The following EEA1 variants were observed in gnomAD, a reference collection of about 807,000 sequenced individuals.
EEA1 encodes early endosome antigen 1, also known as early endosome antigen 1, 162kD.
EEA1 carries 111 observed loss-of-function variants against 209.2 expected under a neutral mutation model. The ratio of observed to expected loss-of-function variants is 0.53; its 90% confidence interval spans 0.45 to 0.62. EEA1 has a LOEUF of 0.62. EEA1 is among the 20% of genes least tolerant of loss of function. The pLI is 0.00. For missense variants in EEA1, 1,343 were observed against 1,530.8 expected, an observed-to-expected ratio of 0.88 and a Z score of 2.05; for synonymous variants, 536 against 540.6, an observed-to-expected ratio of 0.99 and a Z score of 0.12.
At chr12:92,882,961 G>C (rs1378575568) in intron 2 of EEA1, among the ~76,000 whole-genome samples, 1 of 152,174 alleles carries the variant, frequency 6.6e-6, no homozygotes, top group Non-Finnish European at 1.5e-5. Flanking sequence ...GGGTTGAATG[G>C]TAGTCCTGTT....
intron 2 of EEA1, among the ~76,000 whole-genome samples, chr12:92,884,957 T>C (rs1329146027): frequency 1.4e-5 from 1 of 69,576 alleles, no homozygotes; most frequent in African/African-American, 5.5e-5. Flanking sequence ...GGTTTCAATG[T>C]AGATTTTTTT....
intron 2 of EEA1, among the ~76,000 whole-genome samples, chr12:92,874,093 G>A (rs61329238): frequency 0.019 from 2,828 of 151,982 alleles, 96 homozygotes; most frequent in African/African-American, 0.063. Flanking sequence ...CAGGCAGATC[G>A]CTTGAGCCTA....
chr12:92,780,180 TAGC>T, intron 24 of EEA1, 97 bp downstream of exon 24: 1 of 1,318,984 alleles, frequency 7.6e-7, no homozygotes, highest in Non-Finnish European at 1.0e-6. Flanking sequence ...GCCTAGCACA[TAGC>T]AAGTTCTCAA....
chr12:92,887,655 A>G (rs1471104962), intron 2 of EEA1, among the ~76,000 whole-genome samples: 1 of 152,054 alleles, frequency 6.6e-6, no homozygotes, highest in Non-Finnish European at 1.5e-5. Flanking sequence ...CTCAAAAAAT[A>G]AAAATAAAAA....
At chr12:92,784,757 TTATTGCAGATTATAATAA>T (rs1340137752) in intron 22 of EEA1, among the ~76,000 whole-genome samples, 1 of 152,202 alleles carries the variant, frequency 6.6e-6, no homozygotes, top group Admixed American at 6.5e-5. Flanking sequence ...TTCATCTTTC[TTATTGCAGATTATAATAA>T]TATTGCATAT....
intron 3 of EEA1, among the ~76,000 whole-genome samples, chr12:92,860,788 C>A (rs1878111238): frequency 6.6e-6 from 1 of 151,774 alleles, no homozygotes; most frequent in Middle Eastern, 3.2e-3. Context: ...GCAGAAAGTG[C>A]CTTTCAGGAT....
At chr12:92,801,926 A>G (rs746881185) in intron 19 of EEA1, among the ~76,000 whole-genome samples, 9 of 152,028 alleles carry the variant, frequency 5.9e-5, no homozygotes, top group Non-Finnish European at 1.0e-4. Context: ...CCAAGTCACA[A>G]TGGCATATTT....
intron 2 of EEA1, among the ~76,000 whole-genome samples, chr12:92,869,533 C>T (rs540493405): frequency 1.3e-4 from 19 of 150,656 alleles, no homozygotes; most frequent in Non-Finnish European, 2.2e-4. Flanking sequence ...GACTTGAGGC[C>T]AGGAGTTCTA....
chr12:92,804,254 T>C (rs1875075312), intron 18 of EEA1, among the ~76,000 whole-genome samples: 1 of 152,120 alleles, frequency 6.6e-6, no homozygotes, highest in Non-Finnish European at 1.5e-5. Flanking sequence ...TTACCAAGAA[T>C]GTTCTCTGAC....
chr12:92,871,314 T>C (rs1217650959), intron 2 of EEA1, among the ~76,000 whole-genome samples: 5 of 152,174 alleles, frequency 3.3e-5, no homozygotes, highest in African/African-American at 4.8e-5. Context: ...TATTCCCTTG[T>C]AGCATAAAAA....
chr12:92,905,533 G>C (rs894393919), intron 1 of EEA1: 1 of 152,010 alleles, frequency 6.6e-6, no homozygotes, highest in Admixed American at 6.6e-5. Flanking sequence ...TTGAACCCGG[G>C]AGACCGAGGT....
chr12:92,779,224 A>C lies in EEA1; in HGVS notation c.3545T>G (p.Leu1182Arg), dbSNP rs1196265792. Reference protein sequence around the residue: ...KLELQGKADSLKAAVEQEKRN... With the variant: ...KLELQGKADSRKAAVEQEKRN... The stretch of plus-strand genomic sequence containing the variant: ...CTTCTCCTGTTCAACAGCTGCCTTC[A>C]GGGAGTCCGCTTTTCCTTGAAGTTC... The change falls in exon 25 of 29, where the codon CTG (leucine) becomes CGG (arginine). Residue 1182 changes from leucine to arginine, a missense_variant. Leu to Arg is a moderately radical substitution (Grantham distance 102). This residue lies in a region of EEA1 where 1,307 missense variants were observed against 1,465.5 expected (regional missense o/e 0.89). Coordinates refer to ENST00000322349, the MANE Select transcript of EEA1 (RefSeq NM_003566.4). The C allele has an allele frequency of 1.9e-6, 3 of 1,610,264 alleles. No homozygotes were observed. Among genetic ancestry groups the C allele is most frequent in the African/African-American group, 1.3e-5 (1 of 74,608 alleles).
Position 92,782,042 on chromosome 12 carries a change from T to C in EEA1, c.3244A>G (p.Thr1082Ala). The change falls in exon 23 of 29, where the codon ACT (threonine) becomes GCT (alanine). Residue 1082 changes from threonine (T) to alanine (A), a missense_variant. Thr to Ala is a moderately conservative substitution (Grantham distance 58). Around this residue, in one of 3 missense-constraint regions of EEA1, gnomAD observed 1,307 missense variants for 1,465.5 expected, o/e 0.89. Transcript: ENST00000322349. ...TCCTGCTCCAATGTAGCCTTGGCAG[T>C]CTTCAGTTCTTGAATCAATTTATTT... ...NQNKLIQELK[T>A]AKATLEQDSA... 1.2e-6 allele frequency: 2 copies of C among 1,613,126 alleles called. No individual in the cohort carries two copies. Among genetic ancestry groups the C allele is most frequent in the Non-Finnish European group, 1.7e-6 (2 of 1,179,352 alleles).
At chr12:92,820,772 TATAC>T (rs776106986) in intron 13 of EEA1, among the ~76,000 whole-genome samples, 9 of 150,862 alleles carry the variant, frequency 6.0e-5, no homozygotes, top group Admixed American at 2.0e-4. Flanking sequence ...TATATATATA[TATAC>T]ACACACACAC....
At chr12:92,804,368 C>A (rs973004775) in intron 18 of EEA1, among the ~76,000 whole-genome samples, 1 of 151,972 alleles carries the variant, frequency 6.6e-6, no homozygotes, top group African/African-American at 2.4e-5. Flanking sequence ...GTCAGGAGAT[C>A]GAGACCAACC....
intron 1 of EEA1, among the ~76,000 whole-genome samples, chr12:92,900,209 T>A (rs2248356): frequency 0.93 from 140,908 of 152,186 alleles, 65,321 homozygotes; most frequent in East Asian, 1. Flanking sequence ...TAGCTATCAC[T>A]GATACAGGAG....
In EEA1 at chr12:92,776,882, TAC is replaced by T; in HGVS notation, c.4073_4074del (p.Cys1358TyrfsTer26). 1 of 1,612,010 alleles carries T rather than the reference TAC, an allele frequency of 6.2e-7. No homozygotes were observed. Among genetic ancestry groups the T allele is most frequent in the Non-Finnish European group, 8.5e-7 (1 of 1,178,438 alleles). On this transcript the variant is annotated frameshift_variant, in exon 28 of 29. Transcript: ENST00000322349. LOFTEE classifies it high-confidence loss of function. Reference sequence around the variant, plus strand: ...ACTGAAAAGCCTTTCCCACAGGCCATACAGTTTTGTACTTCATTGTCTTCGGC... The same window carrying T: ...ACTGAAAAGCCTTTCCCACAGGCCATAGTTTTGTACTTCATTGTCTTCGGC... The part of the protein sequence containing the change: ...KWAEDNEVQN[C>X]MACGKGFSVT...
At chr12:92,841,452 G>C (rs1877157558) in intron 10 of EEA1, among the ~76,000 whole-genome samples, 4 of 152,098 alleles carry the variant, frequency 2.6e-5, no homozygotes, top group Admixed American at 2.6e-4. Context: ...AAAAATGAAA[G>C]TAGATAAATT....
intron 1 of EEA1, among the ~76,000 whole-genome samples, chr12:92,895,218 C>G (rs1353302573): frequency 6.9e-6 from 1 of 144,736 alleles, no homozygotes; most frequent in African/African-American, 2.6e-5. Context: ...TGCAGTGGCC[C>G]GATCTCAGCT....
Sources: allele counts gnomAD v4.1 joint callset (sites outside exome capture counted in the v4.1 genomes callset), GRCh38; gene constraint gnomAD v4.1.1; regional missense constraint gnomAD v4.1.1; transcripts MANE v1.5; gene names NCBI Gene and HGNC (gene_info 2026-07-23, HGNC 2026-07-21).